FAM167A: variants seen among roughly 807,000 people sequenced by gnomAD.
FAM167A encodes the protein protein FAM167A.
Under a neutral mutation model 14.9 loss-of-function variants are expected in FAM167A, and 23 were observed. The observed-to-expected ratio is 1.55, with a 90% CI of 1.11 to 2.19. The LOEUF is 2.19. FAM167A is among the 30% of genes most tolerant of loss of function. The pLI, the probability that FAM167A is intolerant of heterozygous loss-of-function variation, is 0.00. For synonymous variants in FAM167A, 174 were observed against 117.7 expected, an observed-to-expected ratio of 1.48 and a Z score of -3.10; for missense variants, 401 against 281.5, an observed-to-expected ratio of 1.42 and a Z score of -3.04.
intron 1 of FAM167A, among the ~76,000 whole-genome samples, chr8:11,462,168 G>C (rs1374375040): frequency 6.6e-6 from 1 of 152,238 alleles, no homozygotes. Flanking sequence ...GGCTGCTGAA[G>C]CCTCCCGGGT....
intron 2 of FAM167A, among the ~76,000 whole-genome samples, chr8:11,441,727 T>C (rs1806450539): frequency 6.6e-6 from 1 of 152,180 alleles, no homozygotes; most frequent in Non-Finnish European, 1.5e-5. Context: ...TATCCATCCA[T>C]GAAATGGACA....
At chr8:11,467,700 G>C (rs971329901), upstream of FAM167A, 1 of 152,358 alleles carries the variant, frequency 6.6e-6, no homozygotes, top group Non-Finnish European at 1.5e-5. Flanking sequence ...TGCGCGGCTG[G>C]TCGGGCCTTC....
In FAM167A at chr8:11,424,747, T is replaced by C. The variant is rs2116975095; in HGVS notation, c.382-111A>G. The C allele has an allele frequency of 7.0e-6, 10 of 1,424,652 alleles. No individual in the cohort carries two copies. The South Asian group carries it at 8.2e-5, about 12-fold the overall frequency. The allele number at this position is 1,424,652 out of a possible 1,614,324, so 88.3% of individuals were successfully genotyped here. On this transcript the variant is annotated intron_variant, in intron 2 of 2. Coordinates refer to ENST00000284486, the MANE Select transcript of FAM167A (RefSeq NM_053279.3). ...ATGTCTTAGTTCATTAAGTGGTCCA[T>C]CTAGAAATATTAGCACTTTCCCTGC... is the stretch of plus-strand genomic sequence containing the variant.
intron 1 of FAM167A, 130 bp from the exon 2 acceptor site, chr8:11,444,938 C>G: frequency 5.1e-6 from 4 of 783,844 alleles, no homozygotes; most frequent in Non-Finnish European, 6.2e-6. Flanking sequence ...ATGGCTAGTC[C>G]GGGACGGAAG....
At chr8:11,456,392 T>TGTGG (rs1554530404) in intron 1 of FAM167A, among the ~76,000 whole-genome samples, 1 of 120,496 alleles carries the variant, frequency 8.3e-6, no homozygotes, top group Non-Finnish European at 1.7e-5. Flanking sequence ...GCCTGGTGTG[T>TGTGG]GTGTGAGTGT....
chr8:11,462,089 G>A (rs150805054), intron 1 of FAM167A, among the ~76,000 whole-genome samples: 140 of 152,344 alleles, frequency 9.2e-4, no homozygotes, highest in Middle Eastern at 6.8e-3. Flanking sequence ...CTGAGTGCCC[G>A]CAGGCAGGGC....
In FAM167A at chr8:11,424,488, A is replaced by T. The variant is rs752012096; in HGVS notation, c.530T>A (p.Leu177Gln). The T allele has an allele frequency of 1.7e-5, 27 of 1,614,182 alleles. No individual in the cohort carries two copies. The highest frequency in any genetic ancestry group is 2.3e-5 in the Non-Finnish European group (27 of 1,180,006). Reference sequence around the variant, plus strand: ...AGGGGAGTCACAGAAGAGGTCGGCCAGCTCATCCCGCTCCTCCAGCTCGTA... The same window carrying T: ...AGGGGAGTCACAGAAGAGGTCGGCCTGCTCATCCCGCTCCTCCAGCTCGTA... ...ATYELEERDE[L>Q]ADLFCDSPLA... The change falls in exon 3 of 3, where the codon CTG becomes CAG. Residue 177 changes from leucine to glutamine, a missense_variant. Leu to Gln is a moderately radical substitution (Grantham distance 113). Transcript: ENST00000284486.
At chr8:11,458,740 G>A (rs1052410479) in intron 1 of FAM167A, among the ~76,000 whole-genome samples, 8 of 151,996 alleles carry the variant, frequency 5.3e-5, no homozygotes, top group African/African-American at 9.7e-5. Context: ...GAGAAAGCCC[G>A]TCTGTAGTAA....
Position 11,454,241 on chromosome 8 carries a change from G to A in FAM167A, c.-397-9433C>T, listed in dbSNP as rs114927353. Among the ~76,000 whole-genome samples, 1,086 of 152,320 alleles carry A rather than the reference G, an allele frequency of 7.1e-3. 9 individuals carry two copies. Among genetic ancestry groups the A allele is most frequent in the Middle Eastern group, 0.02 (6 of 294 alleles). ...GCTTGGCTGGAGAGCGGAGGCCCAC[G>A]TGTGTGTGCAAAGCGCTCTGTTTCC... On this transcript the variant is annotated intron_variant, in intron 1 of 2. Transcript: ENST00000284486.
At chr8:11,474,486 A>G (rs1797808536) in intron 1 of FAM167A, 1 of 152,130 alleles carries the variant, frequency 6.6e-6, no homozygotes, top group Non-Finnish European at 1.5e-5. Context: ...AGCCACTCCA[A>G]CCTGGTCAGC....
chr8:11,453,812 G>A (rs1003739125), intron 1 of FAM167A, among the ~76,000 whole-genome samples: 1 of 151,768 alleles, frequency 6.6e-6, no homozygotes, highest in Non-Finnish European at 1.5e-5. Flanking sequence ...TATGGAGCAC[G>A]TCTACACCGC....
Position 11,422,916 on chromosome 8 carries a change from G to A in FAM167A, c.*1457C>T, listed in dbSNP as rs1304550571. On this transcript the variant is annotated 3_prime_UTR_variant, in exon 3 of 3. Transcript: ENST00000284486. The stretch of plus-strand genomic sequence containing the variant: ...TGAATTGCAATACTCTGGGAGATGT[G>A]GGTGGGGGCTGAGGTGGAGAGTAGA... 3 of 152,676 alleles carry A rather than the reference G, an allele frequency of 2.0e-5. No homozygotes were observed. The highest frequency in any genetic ancestry group is 1.5e-5 in the Non-Finnish European group (1 of 68,054). The allele number at this position is 152,676 out of a possible 1,614,324, so 9.5% of individuals were successfully genotyped here.
intron 1 of FAM167A, among the ~76,000 whole-genome samples, chr8:11,447,002 G>C (rs1177588931): frequency 2.6e-5 from 4 of 152,146 alleles, no homozygotes; most frequent in African/African-American, 7.2e-5. Context: ...TCTGTGAGGA[G>C]ATAACATGGA....
upstream of FAM167A, among the ~76,000 whole-genome samples, chr8:11,469,545 T>C (rs1807889693): frequency 6.6e-6 from 1 of 152,144 alleles, no homozygotes; most frequent in Non-Finnish European, 1.5e-5. Context: ...CTTATAATCC[T>C]ACAGGAAGCT....
upstream of FAM167A, among the ~76,000 whole-genome samples, chr8:11,468,348 C>T (rs1807852174): frequency 6.6e-6 from 1 of 152,256 alleles, no homozygotes; most frequent in Non-Finnish European, 1.5e-5. Flanking sequence ...TCCCATTGTG[C>T]ACCTGCTCCT....
intron 2 of FAM167A, among the ~76,000 whole-genome samples, chr8:11,437,811 T>C (rs1585247267): frequency 6.6e-6 from 1 of 152,274 alleles, no homozygotes. Context: ...GAAACGTGAA[T>C]GGGAAATAAG....
intron 2 of FAM167A, among the ~76,000 whole-genome samples, chr8:11,426,315 TG>T (rs1805142924): frequency 1.3e-5 from 2 of 152,220 alleles, no homozygotes; most frequent in African/African-American, 4.8e-5. Flanking sequence ...CTCTGAAATG[TG>T]TAAAACCAAA....
rs2272595 is a variant in FAM167A, at chr8:11,438,186, G to A, written c.381+5845C>T. On this transcript the variant is annotated intron_variant, in intron 2 of 2. Transcript: ENST00000284486. The stretch of plus-strand genomic sequence containing the variant: ...ACTTCCGCCTGCCTCTCTCAGCCCC[G>A]GAATCGCCATGAGCTGCTATTCCGG... 8.9e-4 allele frequency: 402 copies of A among 453,806 alleles called. 7 individuals are homozygous for A. In the East Asian group the frequency reaches 0.023, roughly 26 times the overall value. The allele number at this position is 453,806 out of a possible 1,614,324, so 28.1% of individuals were successfully genotyped here. A position where few individuals can be genotyped will look rare whatever the true frequency, so the allele number is the denominator to read the frequency against.
intron 1 of FAM167A, among the ~76,000 whole-genome samples, chr8:11,475,650 C>A (rs902288104): frequency 8.5e-5 from 13 of 152,258 alleles, no homozygotes; most frequent in African/African-American, 2.9e-4. Context: ...ACAAGCACAC[C>A]CATACAAACA....
Sources: gnomAD v4.1 joint callset for allele counts (sites outside exome capture counted in the v4.1 genomes callset) on GRCh38, gnomAD v4.1.1 for gene constraint, MANE v1.5 for transcripts, NCBI Gene and HGNC (gene_info 2026-07-23, HGNC 2026-07-21) for gene names.